Variants in GDPD2 observed in about 807,000 individuals in gnomAD.
The protein encoded by GDPD2 is glycerophosphodiester phosphodiesterase domain containing 2.
In GDPD2, 23 loss-of-function variants were observed where a neutral mutation model predicts 49.2. That is an observed-to-expected ratio of 0.47 (90% confidence interval 0.34 to 0.66). The LOEUF (loss-of-function observed/expected upper bound fraction) is 0.66, where lower values mean the gene tolerates loss of function less well. Ranked by LOEUF, GDPD2 falls within the 30% of genes least tolerant of loss-of-function variation. The pLI is 0.01. For synonymous variants in GDPD2, 167 were observed against 171.4 expected, an observed-to-expected ratio of 0.97 and a Z score of 0.20; for missense variants, 338 against 424.7, an observed-to-expected ratio of 0.80 and a Z score of 1.79.
At chrX:70,424,765 G>A (rs1049398196) in intron 1 of GDPD2, among the ~76,000 whole-genome samples, 1 of 112,655 alleles carries the variant, frequency 8.9e-6, no homozygotes, top group Admixed American at 9.3e-5. Flanking sequence ...AAAGGGAAAC[G>A]AAGGCTCTGG....
intron 1 of GDPD2, among the ~76,000 whole-genome samples, chrX:70,424,155 C>A (rs1422262360): frequency 1.8e-5 from 2 of 111,229 alleles, no homozygotes; most frequent in Non-Finnish European, 3.8e-5. Context: ...CTTTGCCCTG[C>A]GTTTGTTGTA....
intron 12 of GDPD2, chrX:70,430,825 T>TA (rs1224820225): frequency 3.5e-6 from 1 of 288,079 alleles, no homozygotes; most frequent in African/African-American, 2.8e-5. Flanking sequence ...TTTTTAGAGA[T>TA]AGAGTCTCAC....
rs752381295 is a variant in GDPD2 at position 70,432,397 on chromosome X, G to A, written c.1398G>A (p.Ser466=). Residue 466 remains serine (S), a synonymous_variant, in exon 13 of 16, where the codon TCG becomes TCA. Coordinates refer to ENST00000374382, the MANE Select transcript of GDPD2 (RefSeq NM_017711.4). ...TGCTTTGGTGTGCAGGGGTGGATTC[G>A]GTCACCACCAACGACTGCCAGCTGC... is the stretch of plus-strand genomic sequence containing the variant. ...FSLLWCAGVD[S]VTTNDCQLLQ... is the part of the protein sequence containing the mutation. The A allele has an allele frequency of 1.3e-5, 16 of 1,209,592 alleles. No homozygotes were observed. The highest frequency in any genetic ancestry group is 1.2e-4 in the East Asian group (4 of 33,838).
At position 70,433,248 on chromosome X, in the gene GDPD2, G is replaced by A; in HGVS notation, c.*162G>A. 2.2e-6 allele frequency: 1 copy of A among 463,764 alleles called. No homozygotes were observed. Among genetic ancestry groups the A allele is most frequent in the South Asian group, 3.2e-5 (1 of 30,969 alleles). The allele number at this position is 463,764 out of a possible 1,213,427, so 38.2% of individuals were successfully genotyped here. On this transcript the variant is annotated 3_prime_UTR_variant, in exon 16 of 16. Coordinates refer to ENST00000374382, the MANE Select transcript of GDPD2 (RefSeq NM_017711.4). ...ATGAGGGCCCTCTGCCCAGGTGATG[G>A]GCATTCCCTAAGCTGCTATGGAATC...
chrX:70,430,830 T>G, intron 12 of GDPD2: 1 of 298,805 alleles, frequency 3.3e-6, no homozygotes, highest in Non-Finnish European at 5.8e-6. Flanking sequence ...AGAGATAGAG[T>G]CTCACTCTGT....
rs1333216904 is a variant in GDPD2, at chrX:70,423,330, AG to A, written c.-61del. ...GGAGGAGGCAGACCACTCGGAGAGG[AG>A]CTGGGAAGCAGTGCAGAGAGGAGAG... On this transcript the variant is annotated 5_prime_UTR_variant, in exon 1 of 16. Transcript: ENST00000374382. 1.8e-5 allele frequency: 2 copies of A among 112,223 alleles called. No individual in the cohort carries two copies. Among genetic ancestry groups the A allele is most frequent in the African/African-American group, 6.5e-5 (2 of 30,787 alleles). The allele number at this position is 112,223 out of a possible 1,213,427, so 9.2% of individuals were successfully genotyped here.
intron 12 of GDPD2, among the ~76,000 whole-genome samples, chrX:70,430,612 A>G (rs1442399071): frequency 9.0e-6 from 1 of 111,303 alleles, no homozygotes; most frequent in Non-Finnish European, 1.9e-5. Flanking sequence ...ACATCAGGGT[A>G]AGAGAGCGTG....
chrX:70,427,008 C>CA lies in GDPD2; in HGVS notation c.700dup (p.Met234AsnfsTer16). 8.3e-7 allele frequency: 1 copy of CA among 1,203,154 alleles called. No individual in the cohort carries two copies. Among genetic ancestry groups the CA allele is most frequent in the Non-Finnish European group, 1.1e-6 (1 of 888,218 alleles). ...GGCTGGTGGGACACCGAGGGGCCCCCATGGTGAGTGTTGGACAGAATGCTG... is the reference window on the plus strand; with the variant it reads ...GGCTGGTGGGACACCGAGGGGCCCCCAATGGTGAGTGTTGGACAGAATGCTG... On this transcript the variant is annotated frameshift_variant, in exon 8 of 16. Transcript: ENST00000374382. LOFTEE classifies it high-confidence loss of function.
At chrX:70,426,182 G>A in intron 5 of GDPD2, 71 bp downstream of exon 5, 1 of 970,641 alleles carries the variant, frequency 1.0e-6, no homozygotes, top group Admixed American at 2.2e-5. Context: ...ATTTGCTGAG[G>A]ACCTCACTTT....
Position 70,426,637 on chromosome X carries a change from C to G in GDPD2, c.463-11C>G. On this transcript the variant is annotated splice_polypyrimidine_tract_variant and intron_variant, in intron 6 of 15. Coordinates refer to ENST00000374382, the MANE Select transcript of GDPD2 (RefSeq NM_017711.4). ...TGGAGAAGAGCCCACCTCACCAGCT[C>G]TTGTCCACAGGCCACAGCCCCATTC... 4.2e-6 allele frequency: 5 copies of G among 1,193,272 alleles called. No homozygotes were observed. The highest frequency in any genetic ancestry group is 5.7e-6 in the Non-Finnish European group (5 of 880,699).
Position 70,426,644 on chromosome X carries a change from A to C in GDPD2, c.463-4A>C. The C allele has an allele frequency of 8.3e-7, 1 of 1,199,611 alleles. No individual in the cohort carries two copies. The highest frequency in any genetic ancestry group is 3.0e-5 in the East Asian group (1 of 33,695). Reference sequence around the variant, plus strand: ...GAGCCCACCTCACCAGCTCTTGTCCACAGGCCACAGCCCCATTCCTTCATA... The same window carrying C: ...GAGCCCACCTCACCAGCTCTTGTCCCCAGGCCACAGCCCCATTCCTTCATA... On this transcript the variant is annotated splice_region_variant and splice_polypyrimidine_tract_variant and intron_variant, in intron 6 of 15. Coordinates refer to ENST00000374382, the MANE Select transcript of GDPD2 (RefSeq NM_017711.4).
In GDPD2 at chrX:70,433,369, G is replaced by A. The variant is rs2086496258; in HGVS notation, c.*283G>A. The A allele has an allele frequency of 2.6e-6, 1 of 379,053 alleles. No homozygotes were observed. The highest frequency in any genetic ancestry group is 4.6e-6 in the Non-Finnish European group (1 of 219,065). The allele number at this position is 379,053 out of a possible 1,213,427, so 31.2% of individuals were successfully genotyped here. Reference sequence around the variant, plus strand: ...AAACTAGAACAGAGGAAGTAAAAGGGAGATTGCTCGGATAATGTCTCAGAC... The same window carrying A: ...AAACTAGAACAGAGGAAGTAAAAGGAAGATTGCTCGGATAATGTCTCAGAC... On this transcript the variant is annotated 3_prime_UTR_variant, in exon 16 of 16. Transcript: ENST00000374382.
At chrX:70,428,954 A>G (rs1411348647) in intron 10 of GDPD2, among the ~76,000 whole-genome samples, 1 of 112,020 alleles carries the variant, frequency 8.9e-6, no homozygotes, top group Admixed American at 9.5e-5. Context: ...AGAGCAAGTA[A>G]AAGGATTGTT....
At chrX:70,425,979 G>A in intron 4 of GDPD2, 73 bp from the exon 5 acceptor site, 3 of 961,658 alleles carry the variant, frequency 3.1e-6, no homozygotes, top group Non-Finnish European at 4.5e-6. Context: ...GGAAGTACCA[G>A]CCTGGGAAGC....
chrX:70,432,445 C>G lies in GDPD2; in HGVS notation c.1446C>G (p.Ile482Met). The change falls in exon 13 of 16, where the codon ATC (isoleucine) becomes ATG (methionine). Residue 482 changes from isoleucine (I) to methionine (M), a missense_variant. Coordinates refer to ENST00000374382, the MANE Select transcript of GDPD2 (RefSeq NM_017711.4). Reference protein sequence around the residue: ...CQLLQQMRYPIWLITPQTYLI... With the variant: ...CQLLQQMRYPMWLITPQTYLI... The stretch of plus-strand genomic sequence containing the variant: ...TGCTGCAGCAGATGCGTTACCCTAT[C>G]TGGCTTATTGTAAGGGCTCTGGGAC... 1 of 1,210,684 alleles carries G rather than the reference C, an allele frequency of 8.3e-7. No homozygotes were observed. The highest frequency in any genetic ancestry group is 1.1e-6 in the Non-Finnish European group (1 of 894,437).
chrX:70,432,175 C>A, intron 12 of GDPD2, 132 bp from the exon 13 acceptor site: 1 of 514,910 alleles, frequency 1.9e-6, no homozygotes, highest in Non-Finnish European at 3.3e-6. Context: ...TGGTCAGGGG[C>A]TGCTATGGAA....
Position 70,425,107 on chromosome X carries a change from G to T in GDPD2, c.105+18G>T, listed in dbSNP as rs377017121. 8.2e-6 allele frequency: 9 copies of T among 1,092,572 alleles called. No homozygotes were observed. Among genetic ancestry groups the T allele is most frequent in the South Asian group, 7.8e-5 (4 of 51,141 alleles). 90.0% of individuals were successfully genotyped at this position (1,092,572 alleles called of 1,213,427 possible). ...CCAGCAAGGTGGAGTAGGGATGGAG[G>T]GGGGAGGCTGGAAGTCAGAAGGCAG... On this transcript the variant is annotated intron_variant, in intron 2 of 15. Coordinates refer to ENST00000374382, the MANE Select transcript of GDPD2 (RefSeq NM_017711.4).
At position 70,427,378 on chromosome X, in the gene GDPD2, T is replaced by C; in HGVS notation, c.851T>C (p.Val284Ala). The C allele has an allele frequency of 8.3e-7, 1 of 1,207,765 alleles. No homozygotes were observed. The highest frequency in any genetic ancestry group is 1.1e-6 in the Non-Finnish European group (1 of 891,967). The change falls in exon 10 of 16, where the codon GTA (valine) becomes GCA (alanine). Residue 284 changes from valine to alanine, a missense_variant. By Grantham distance (64) the Val-to-Ala change is moderately conservative. Around this residue, in one of 3 missense-constraint regions of GDPD2, gnomAD observed 253 missense variants for 330.4 expected, o/e 0.77. Coordinates refer to ENST00000374382, the MANE Select transcript of GDPD2 (RefSeq NM_017711.4). ...HLSRTTNVAS[V>A]FPTRITAHSS... ...AGCAGGACCACGAATGTAGCCTCTG[T>C]ATTCCCAACCCGAATCACAGCCCAC...
chrX:70,432,967 GT>G, intron 15 of GDPD2, 27 bp downstream of exon 15: 1 of 1,181,873 alleles, frequency 8.5e-7, no homozygotes, highest in Non-Finnish European at 1.2e-6. Context: ...CTCACCTCAT[GT>G]TTCTCCTCCT....
Sources: allele counts gnomAD v4.1 joint callset (sites outside exome capture counted in the v4.1 genomes callset), GRCh38; gene constraint gnomAD v4.1.1; regional missense constraint gnomAD v4.1.1; transcripts MANE v1.5; gene names NCBI Gene and HGNC (gene_info 2026-07-23, HGNC 2026-07-21).